KSR2: variants seen among roughly 807,000 people sequenced by gnomAD.
The protein encoded by KSR2 is kinase suppressor of ras 2.
A neutral mutation model predicts 107.8 loss-of-function variants in KSR2; 25 were observed. The observed-to-expected ratio is 0.23, with a 90% CI of 0.17 to 0.32. KSR2 has a LOEUF of 0.32. Among genes scored for constraint, KSR2 ranks in the 10% least tolerant of loss-of-function variants. The probability of loss-of-function intolerance (pLI) is 1.00; values close to 1 mark genes in which losing one functional copy is unlikely to be tolerated. For synonymous variants in KSR2, 480 were observed against 507.0 expected (o/e 0.95, Z 0.71); for missense variants, 887 against 1,268.9 (o/e 0.70, Z 4.57).
rs1593014273 is a variant in KSR2 at position 117,579,260 on chromosome 12, T to C, written c.1242-58A>G. ...AAGGAAATGGCGACTGACCTATCTC[T>C]AGAGGGATGAAGTACTTGAAGAGCA... On this transcript the variant is annotated intron_variant, in intron 6 of 19. Coordinates refer to ENST00000339824, the MANE Select transcript of KSR2 (RefSeq NM_173598.6). 1.2e-5 allele frequency: 14 copies of C among 1,196,866 alleles called. No homozygotes were observed. The East Asian group carries it at 3.1e-4, about 26-fold the overall frequency. The allele number at this position is 1,196,866 out of a possible 1,614,324, so 74.1% of individuals were successfully genotyped here.
intron 5 of KSR2, among the ~76,000 whole-genome samples, chr12:117,659,372 T>C (rs1232247861): frequency 1.3e-5 from 2 of 152,192 alleles, no homozygotes; most frequent in Non-Finnish European, 2.9e-5. Flanking sequence ...AGAAGACTGA[T>C]GATAAGAACC....
chr12:117,677,550 C>G (rs1229752667), intron 4 of KSR2, among the ~76,000 whole-genome samples: 2 of 152,164 alleles, frequency 1.3e-5, no homozygotes, highest in African/African-American at 4.8e-5. Flanking sequence ...GCCCCTCGAT[C>G]TGTGATATTT....
intron 1 of KSR2, among the ~76,000 whole-genome samples, chr12:117,965,835 G>A (rs1476060552): frequency 6.6e-6 from 1 of 152,178 alleles, no homozygotes; most frequent in African/African-American, 2.4e-5. Context: ...ACCCTCATAT[G>A]GTTTTGATAT....
Position 117,524,878 on chromosome 12 carries a change from G to T in KSR2, c.2193C>A (p.Ser731Arg). 1 of 1,612,206 alleles carries T rather than the reference G, an allele frequency of 6.2e-7. No homozygotes were observed. Among genetic ancestry groups the T allele is most frequent in the South Asian group, 1.1e-5 (1 of 90,694 alleles). Residue 731 changes from serine (S) to arginine (R), a missense_variant, in exon 14 of 20, where the codon AGC becomes AGA. Transcript: ENST00000339824. Reference protein sequence around the residue: ...NVVLFMGACMSPPHLAIITSL... With the variant: ...NVVLFMGACMRPPHLAIITSL... ...TGGTGATGATGGCCAGGTGAGGCGG[G>T]CTCATGCAGGCACCCATGAAAAGCA...
At chr12:117,745,639 T>C (rs1888379706) in intron 4 of KSR2, among the ~76,000 whole-genome samples, 1 of 152,198 alleles carries the variant, frequency 6.6e-6, no homozygotes, top group Non-Finnish European at 1.5e-5. Flanking sequence ...GGATGTTGAA[T>C]TGTCTCTGTT....
chr12:117,863,053 G>T lies in KSR2; in HGVS notation c.181-2622C>A, dbSNP rs545059578. Among the ~76,000 whole-genome samples the T allele has an allele frequency of 2.0e-5, 3 of 152,224 alleles. No individual in the cohort carries two copies. In the East Asian group the frequency reaches 5.8e-4, roughly 29 times the overall value. On this transcript the variant is annotated intron_variant, in intron 1 of 19. Coordinates refer to ENST00000339824, the MANE Select transcript of KSR2 (RefSeq NM_173598.6). ...CTTCCATTCCCCCTTTTACCGAAAA[G>T]AACATGTCAACTTTCTTTCAAGGAA... is the stretch of plus-strand genomic sequence containing the variant.
At chr12:117,741,246 G>C (rs1161903700) in intron 4 of KSR2, among the ~76,000 whole-genome samples, 1 of 152,030 alleles carries the variant, frequency 6.6e-6, no homozygotes. Context: ...GCTGGGTGTG[G>C]TGGCTCACTC....
intron 1 of KSR2, among the ~76,000 whole-genome samples, chr12:117,888,729 G>A (rs948547645): frequency 2.9e-4 from 44 of 152,192 alleles, no homozygotes; most frequent in African/African-American, 9.4e-4. Flanking sequence ...CCTCCAGAAC[G>A]GTAAGAAGTA....
rs548358881 is a variant in KSR2, at chr12:117,680,840, G to A, written c.987-13182C>T. Among the ~76,000 whole-genome samples, 66 of 152,222 alleles carry A rather than the reference G, an allele frequency of 4.3e-4. 1 individual carries two copies. The highest frequency in any genetic ancestry group is 1.5e-3 in the African/African-American group (64 of 41,542). On this transcript the variant is annotated intron_variant, in intron 4 of 19. Coordinates refer to ENST00000339824, the MANE Select transcript of KSR2 (RefSeq NM_173598.6). ...TATATTAATTCGAAAAAAATGACCT[G>A]GTAAGTGTTACTAGGACAGTAAAAT... is the stretch of plus-strand genomic sequence containing the variant.
chr12:117,968,945 G>T lies in KSR2; in HGVS notation c.-690C>A. 4.2e-6 allele frequency: 1 copy of T among 238,932 alleles called. No individual in the cohort carries two copies. Among genetic ancestry groups the T allele is most frequent in the Non-Finnish European group, 8.5e-6 (1 of 118,278 alleles). The allele number at this position is 238,932 out of a possible 1,614,324, so 14.8% of individuals were successfully genotyped here. ...CCGGGCTCCGGGGGTGACGGTTGCT[G>T]CAATCGCTCCTGCCTCGCTCCACAC... On this transcript the variant is annotated 5_prime_UTR_variant, in exon 1 of 20. Coordinates refer to ENST00000339824, the MANE Select transcript of KSR2 (RefSeq NM_173598.6).
intron 1 of KSR2, among the ~76,000 whole-genome samples, chr12:117,893,314 G>A (rs1030627459): frequency 3.3e-5 from 5 of 152,140 alleles, no homozygotes; most frequent in African/African-American, 9.7e-5. Flanking sequence ...ACTGTGCCCA[G>A]CGAGACCATA....
intron 3 of KSR2, among the ~76,000 whole-genome samples, chr12:117,772,372 CAT>C (rs1889519838): frequency 6.9e-6 from 1 of 145,464 alleles, no homozygotes; most frequent in Admixed American, 6.8e-5. Context: ...CACACTCACA[CAT>C]ACACACCATT....
chr12:117,655,071 G>C (rs1049342310), intron 5 of KSR2, among the ~76,000 whole-genome samples: 2 of 152,212 alleles, frequency 1.3e-5, no homozygotes, highest in African/African-American at 4.8e-5. Flanking sequence ...TGATCAGCCA[G>C]CTACCTGGTG....
intron 4 of KSR2, among the ~76,000 whole-genome samples, chr12:117,679,158 A>T (rs1332713745): frequency 1.3e-5 from 2 of 152,050 alleles, no homozygotes; most frequent in African/African-American, 4.8e-5. Flanking sequence ...TGTATCCTTA[A>T]AGGCTGAACT....
intron 1 of KSR2, among the ~76,000 whole-genome samples, chr12:117,871,981 C>T (rs968844277): frequency 6.6e-6 from 1 of 152,112 alleles, no homozygotes; most frequent in Non-Finnish European, 1.5e-5. Context: ...CCTGAATTAC[C>T]TATATGATAG....
chr12:117,936,513 T>C (rs1895842363), intron 1 of KSR2, among the ~76,000 whole-genome samples: 1 of 43,498 alleles, frequency 2.3e-5, no homozygotes, highest in African/African-American at 5.2e-5. Flanking sequence ...ATTATTATTT[T>C]ATTATTATTA....
intron 5 of KSR2, among the ~76,000 whole-genome samples, chr12:117,620,893 A>G (rs545553948): frequency 6.6e-6 from 1 of 152,344 alleles, no homozygotes; most frequent in Admixed American, 6.5e-5. Flanking sequence ...TATTCACTAC[A>G]TACATACAAA....
chr12:117,581,623 C>A (rs1212055871), intron 6 of KSR2, among the ~76,000 whole-genome samples: 1 of 152,130 alleles, frequency 6.6e-6, no homozygotes, highest in Non-Finnish European at 1.5e-5. Context: ...ACTGCAACTA[C>A]CAAGACAAAA....
chr12:117,503,454 A>G (rs1565874992), intron 14 of KSR2, among the ~76,000 whole-genome samples: 1 of 152,168 alleles, frequency 6.6e-6, no homozygotes, highest in Non-Finnish European at 1.5e-5. Flanking sequence ...GGTATTTTAA[A>G]GTGCATTGCT....
Sources: allele counts gnomAD v4.1 joint callset (sites outside exome capture counted in the v4.1 genomes callset), GRCh38; gene constraint gnomAD v4.1.1; transcripts MANE v1.5; gene names NCBI Gene and HGNC (gene_info 2026-07-23, HGNC 2026-07-21).